Variants in APBB2 observed in about 807,000 individuals in gnomAD.
APBB2 encodes the protein Fe65-like 1.
A neutral mutation model predicts 82.5 loss-of-function variants in APBB2; 38 were observed. The observed-to-expected ratio is 0.46, with a 90% CI of 0.36 to 0.60. The LOEUF (loss-of-function observed/expected upper bound fraction) is 0.60. Among genes scored for constraint, APBB2 ranks in the 20% least tolerant of loss-of-function variants. The pLI, the probability that APBB2 is intolerant of heterozygous loss-of-function variation, is 0.00. For synonymous variants in APBB2, 341 were observed against 368.2 expected, an observed-to-expected ratio of 0.93 and a Z score of 0.85; for missense variants, 772 against 972.3, an observed-to-expected ratio of 0.79 and a Z score of 2.74.
intron 1 of APBB2, among the ~76,000 whole-genome samples, chr4:41,191,806 A>G (rs921884699): frequency 1.2e-4 from 18 of 152,222 alleles, no homozygotes; most frequent in Admixed American, 3.9e-4. Flanking sequence ...CCTTTTCTGC[A>G]CAGCAAAGAA....
intron 4 of APBB2, among the ~76,000 whole-genome samples, chr4:41,034,989 T>A (rs1718587286): frequency 6.6e-6 from 1 of 152,178 alleles, no homozygotes; most frequent in South Asian, 2.1e-4. Context: ...AACAGATTGA[T>A]ATCAGGATGA....
chr4:41,124,287 C>T (rs918575059), intron 2 of APBB2, among the ~76,000 whole-genome samples: 2 of 152,112 alleles, frequency 1.3e-5, no homozygotes, highest in Non-Finnish European at 2.9e-5. Context: ...GGCGTGATCT[C>T]GGCTCACTGC....
chr4:40,892,823 TAAAGA>T (rs1273172223), intron 11 of APBB2: 4 of 154,122 alleles, frequency 2.6e-5, no homozygotes, highest in Non-Finnish European at 5.8e-5. Flanking sequence ...AGACGCTAAG[TAAAGA>T]AGAGTGTTAT....
In APBB2 at chr4:40,908,838, T is replaced by G. The variant is rs536194429; in HGVS notation, c.1255-15427A>C. ...ACCAAAAGCCCTGAGGTAGTGTGGGTGCCCTTGTGCAAACTGTCCACTAGG... is the reference window on the plus strand; with the variant it reads ...ACCAAAAGCCCTGAGGTAGTGTGGGGGCCCTTGTGCAAACTGTCCACTAGG... On this transcript the variant is annotated intron_variant, in intron 10 of 17. Transcript: ENST00000508593. Among the ~76,000 whole-genome samples the G allele has an allele frequency of 7.9e-5, 12 of 152,188 alleles. No homozygotes were observed. The South Asian group carries it at 8.3e-4, about 11-fold the overall frequency.
rs34694637 is a variant in APBB2, at chr4:40,928,387, A to AACACAC, written c.1254+6063_1254+6068dup. Among the ~76,000 whole-genome samples, 279 of 112,850 alleles carry AACACAC rather than the reference A, an allele frequency of 2.5e-3. 1 individual carries two copies. The highest frequency in any genetic ancestry group is 4.0e-3 in the Admixed American group (37 of 9,240). The allele number at this position is 112,850 out of a possible 152,430, so 74.0% of individuals were successfully genotyped here. A position where few individuals can be genotyped will look rare whatever the true frequency, so the allele number is the denominator to read the frequency against. ...ATGAAACAACATCTCTACTAAAGAAAACACACACACACACACACACACACA... is the reference window on the plus strand; with the variant it reads ...ATGAAACAACATCTCTACTAAAGAAAACACACACACACACACACACACACACACACA... On this transcript the variant is annotated intron_variant, in intron 10 of 17. Transcript: ENST00000508593.
intron 3 of APBB2, among the ~76,000 whole-genome samples, chr4:41,070,995 T>C (rs202074145): frequency 6.6e-6 from 1 of 152,238 alleles, no homozygotes; most frequent in Non-Finnish European, 1.5e-5. Context: ...ACAAATGCTC[T>C]ACAAAGTCAT....
In APBB2 at chr4:41,045,494, G is replaced by A. The variant is rs138654905; in HGVS notation, c.-50-12190C>T. 6.1e-3 allele frequency among the ~76,000 whole-genome samples: 920 copies of A among 151,984 alleles called. 2 individuals are homozygous for A. Among genetic ancestry groups the A allele is most frequent in the Non-Finnish European group, 8.8e-3 (596 of 67,960 alleles). On this transcript the variant is annotated intron_variant, in intron 4 of 17. Coordinates refer to ENST00000508593, the MANE Select transcript of APBB2 (RefSeq NM_004307.2). ...TTTTTAGTAGAGACGGGGTTTCACC[G>A]CGTTAGCCAGGATAGCCTCAATCTC... is the stretch of plus-strand genomic sequence containing the variant.
At chr4:41,055,918 C>T (rs1453623350) in intron 4 of APBB2, among the ~76,000 whole-genome samples, 1 of 152,196 alleles carries the variant, frequency 6.6e-6, no homozygotes. Flanking sequence ...TCTGGCTGGG[C>T]GCAGTGGCTC....
chr4:40,885,958 C>T (rs1016486705), intron 12 of APBB2, among the ~76,000 whole-genome samples: 17 of 152,200 alleles, frequency 1.1e-4, no homozygotes, highest in South Asian at 4.1e-4. Flanking sequence ...AAGGGAAAAC[C>T]GTGGATTAAT....
At position 40,850,940 on chromosome 4, in the gene APBB2, C is replaced by T. The variant is rs2437349; in HGVS notation, c.1530-20363G>A. On this transcript the variant is annotated intron_variant, in intron 12 of 17. Transcript: ENST00000508593. ...CAGCCTGGGTAACTGAGTGAGACCCCGTCTCAAAAAAAAAATTTTTTTTTA... is the reference window on the plus strand; with the variant it reads ...CAGCCTGGGTAACTGAGTGAGACCCTGTCTCAAAAAAAAAATTTTTTTTTA... Among the ~76,000 whole-genome samples, 952 of 151,974 alleles carry T rather than the reference C, an allele frequency of 6.3e-3. 12 individuals carry two copies. Among genetic ancestry groups the T allele is most frequent in the African/African-American group, 0.022 (902 of 41,452 alleles).
rs1754791536 is a variant in APBB2, at chr4:41,127,760, T to TACCTGA, written c.-261+15221_-261+15226dup. Among the ~76,000 whole-genome samples, 1 of 151,984 alleles carries TACCTGA rather than the reference T, an allele frequency of 6.6e-6. No individual in the cohort carries two copies. Among genetic ancestry groups the TACCTGA allele is most frequent in the Non-Finnish European group, 1.5e-5 (1 of 67,994 alleles). On this transcript the variant is annotated intron_variant, in intron 2 of 17. Transcript: ENST00000508593. This position sits in a 1 kb window ranked among gnomAD's most constrained non-coding sequence, Gnocchi z 4.8. ...CTTTGGGAGGCCGAGGTGGGTGGAT[T>TACCTGA]ACCTGAGGTCAGGAGTTCGAGACCA...
Position 41,003,092 on chromosome 4 carries a change from T to C in APBB2, c.835+10491A>G, listed in dbSNP as rs75193393. Among the ~76,000 whole-genome samples, 1,257 of 152,332 alleles carry C rather than the reference T, an allele frequency of 8.3e-3. 21 individuals are homozygous for C. The highest frequency in any genetic ancestry group is 0.027 in the African/African-American group (1,140 of 41,582). ...AGCCATACTACTAAATATTAAGCTT[T>C]GCCATGTCTTTATCATGTTTTTATC... On this transcript the variant is annotated intron_variant, in intron 6 of 17. Transcript: ENST00000508593.
chr4:40,875,815 AT>A (rs1393728089), intron 12 of APBB2, among the ~76,000 whole-genome samples: 1 of 151,690 alleles, frequency 6.6e-6, no homozygotes, highest in African/African-American at 2.4e-5. Context: ...AAAAAAAAAA[AT>A]AACCCCAAAG....
chr4:40,957,530 G>C (rs1314177744), intron 6 of APBB2, among the ~76,000 whole-genome samples: 4 of 150,896 alleles, frequency 2.7e-5, no homozygotes, highest in Non-Finnish European at 5.9e-5. Context: ...GTTTAAATCT[G>C]TTTTCTATTT....
At chr4:40,841,305 G>A (rs143537479) in intron 12 of APBB2, among the ~76,000 whole-genome samples, 63 of 152,234 alleles carry the variant, frequency 4.1e-4, no homozygotes, top group African/African-American at 1.3e-3. Flanking sequence ...GTGTCTCTCC[G>A]CTTTGCCCAG....
rs1744464158 is a variant in APBB2, at chr4:40,811,762, A to T, written c.*4330T>A. ...CCATATAATGCCTGAAACCATAATG[A>T]AATTTTGTTACTGACTAGAGAGAAA... On this transcript the variant is annotated 3_prime_UTR_variant, in exon 18 of 18. Coordinates refer to ENST00000508593, the MANE Select transcript of APBB2 (RefSeq NM_004307.2). The T allele has an allele frequency of 6.6e-6, 1 of 152,220 alleles. No homozygotes were observed. The highest frequency in any genetic ancestry group is 6.5e-5 in the Admixed American group (1 of 15,282). 9.4% of individuals were successfully genotyped at this position (152,220 alleles called of 1,614,324 possible). A position where few individuals can be genotyped will look rare whatever the true frequency, so the allele number is the denominator to read the frequency against.
At chr4:41,147,576 C>T (rs1234123943) in intron 1 of APBB2, among the ~76,000 whole-genome samples, 1 of 150,260 alleles carries the variant, frequency 6.7e-6, no homozygotes, top group Non-Finnish European at 1.5e-5. Flanking sequence ...CTGTAACCTC[C>T]ACCTCCTGGG....
intron 3 of APBB2, among the ~76,000 whole-genome samples, chr4:41,067,870 G>T (rs117323537): frequency 3.9e-5 from 6 of 152,174 alleles, no homozygotes; most frequent in Admixed American, 2.6e-4. Flanking sequence ...AAGGGAATGC[G>T]TGGCTGCTGG....
At position 41,067,363 on chromosome 4, in the gene APBB2, C is replaced by T. The variant is rs189552295; in HGVS notation, c.-148-1690G>A. Among the ~76,000 whole-genome samples the T allele has an allele frequency of 1.8e-4, 27 of 150,784 alleles. No individual in the cohort carries two copies. In the East Asian group the frequency reaches 4.5e-3, roughly 25 times the overall value. On this transcript the variant is annotated intron_variant, in intron 3 of 17. Transcript: ENST00000508593. The stretch of plus-strand genomic sequence containing the variant: ...GGCGGAGGTTGTAGTAAGCTGAGAT[C>T]GTGCCATTGCATACTCCAGCCTGGG...
Sources: gnomAD v4.1 joint callset for allele counts (sites outside exome capture counted in the v4.1 genomes callset) on GRCh38, gnomAD v4.1.1 for gene constraint, Gnocchi (gnomAD v3.1) non-coding constraint, MANE v1.5 for transcripts, NCBI Gene and HGNC (gene_info 2026-07-23, HGNC 2026-07-21) for gene names.